The following CACNB2 variants were observed in gnomAD, a reference collection of about 807,000 sequenced individuals.
CACNB2 encodes calcium voltage-gated channel auxiliary subunit beta 2.
Under a neutral mutation model 73.3 loss-of-function variants are expected in CACNB2, and 42 were observed. That is an observed-to-expected ratio of 0.57 (90% CI 0.45 to 0.74). The LOEUF is 0.74. CACNB2 is among the 30% of genes least tolerant of loss of function. CACNB2 has a pLI of 0.00. For synonymous variants in CACNB2, 348 were observed against 310.3 expected (o/e 1.12, Z -1.28); for missense variants, 940 against 853.0 (o/e 1.10, Z -1.27).
intron 1 of CACNB2, among the ~76,000 whole-genome samples, chr10:18,149,004 C>CA (rs373972824): frequency 0.12 from 13,528 of 110,380 alleles, 749 homozygotes; most frequent in Middle Eastern, 0.16. Context: ...GACACTGTCT[C>CA]AAAAAAAAAA....
chr10:18,197,519 C>A (rs1258065405), intron 2 of CACNB2, among the ~76,000 whole-genome samples: 1 of 152,184 alleles, frequency 6.6e-6, no homozygotes, highest in Non-Finnish European at 1.5e-5. Flanking sequence ...CTCCTTCAGC[C>A]AACAGTGTGA....
chr10:18,283,908 C>T (rs2038673584), intron 2 of CACNB2, among the ~76,000 whole-genome samples: 1 of 151,982 alleles, frequency 6.6e-6, no homozygotes, highest in African/African-American at 2.4e-5. Context: ...CATTAATATG[C>T]AAAGAAGATT....
intron 2 of CACNB2, among the ~76,000 whole-genome samples, chr10:18,308,308 C>G (rs1029285777): frequency 6.6e-6 from 1 of 151,982 alleles, no homozygotes; most frequent in Non-Finnish European, 1.5e-5. Flanking sequence ...CCAACATTTT[C>G]TTTTTAAAAA....
intron 2 of CACNB2, among the ~76,000 whole-genome samples, chr10:18,364,591 C>T (rs996516040): frequency 2.6e-5 from 4 of 152,166 alleles, no homozygotes; most frequent in East Asian, 1.9e-4. Flanking sequence ...TGAGCCACTT[C>T]GCCCAGCCAA....
At chr10:18,392,166 A>G (rs2043506948) in intron 2 of CACNB2, among the ~76,000 whole-genome samples, 1 of 152,084 alleles carries the variant, frequency 6.6e-6, no homozygotes, top group Non-Finnish European at 1.5e-5. Flanking sequence ...GGGCCCAACA[A>G]GGTTAGAGCC....
chr10:18,410,400 T>C (rs2044551910), intron 3 of CACNB2, among the ~76,000 whole-genome samples: 1 of 152,214 alleles, frequency 6.6e-6, no homozygotes. Context: ...CATCTTGCCT[T>C]AGTTCATAAA....
At chr10:18,500,401 A>G (rs1023346822) in intron 4 of CACNB2, among the ~76,000 whole-genome samples, 3 of 152,190 alleles carry the variant, frequency 2.0e-5, no homozygotes, top group Admixed American at 2.0e-4. Context: ...TATTTAAGGT[A>G]CACTTCAATA....
intron 3 of CACNB2, among the ~76,000 whole-genome samples, chr10:18,423,807 A>C (rs1384427437): frequency 6.6e-6 from 1 of 152,218 alleles, no homozygotes; most frequent in African/African-American, 2.4e-5. Context: ...ACAGCTGAAG[A>C]ATAAAATGCA....
intron 2 of CACNB2, among the ~76,000 whole-genome samples, chr10:18,315,499 T>TAAAAAAAA (rs756721525): frequency 1.0e-4 from 4 of 39,518 alleles, no homozygotes; most frequent in African/African-American, 3.0e-4. Context: ...TGTCTCTATT[T>TAAAAAAAA]AAAAAAAAAA....
intron 6 of CACNB2, among the ~76,000 whole-genome samples, chr10:18,511,373 A>G (rs1005678142): frequency 1.3e-5 from 2 of 152,260 alleles, no homozygotes; most frequent in Admixed American, 6.5e-5. Context: ...AAGAGAGCCT[A>G]GTTTTCAAAA....
chr10:18,397,426 CTG>C (rs1006773044), intron 2 of CACNB2, among the ~76,000 whole-genome samples: 46 of 151,930 alleles, frequency 3.0e-4, no homozygotes, highest in Admixed American at 5.9e-4. Flanking sequence ...GATTGAGCCA[CTG>C]CACTCTAGCC....
intron 3 of CACNB2, among the ~76,000 whole-genome samples, chr10:18,417,472 G>A (rs1446261614): frequency 6.9e-6 from 1 of 144,992 alleles, no homozygotes; most frequent in Non-Finnish European, 1.5e-5. Context: ...GGGTTCAAGC[G>A]ATTCTCCTGC....
chr10:18,516,627 C>A (rs1296670758), intron 7 of CACNB2, among the ~76,000 whole-genome samples: 1 of 152,210 alleles, frequency 6.6e-6, no homozygotes, highest in East Asian at 1.9e-4. Context: ...AAGAAATATG[C>A]TTATGATGCC....
intron 3 of CACNB2, among the ~76,000 whole-genome samples, chr10:18,426,849 G>C (rs1459483494): frequency 6.6e-6 from 1 of 151,758 alleles, no homozygotes. Context: ...GTTTTCTATA[G>C]AGGTACTTTA....
At chr10:18,303,925 G>C (rs1166871111) in intron 2 of CACNB2, among the ~76,000 whole-genome samples, 2 of 152,116 alleles carry the variant, frequency 1.3e-5, no homozygotes, top group Non-Finnish European at 2.9e-5. Context: ...ATTTATTCAA[G>C]ATCTAGAAAA....
chr10:18,317,056 T>C (rs2040213891), intron 2 of CACNB2, among the ~76,000 whole-genome samples: 1 of 152,072 alleles, frequency 6.6e-6, no homozygotes, highest in African/African-American at 2.4e-5. Context: ...AACACATTCT[T>C]ACCTCCCATG....
intron 2 of CACNB2, among the ~76,000 whole-genome samples, chr10:18,296,165 G>C (rs764202421): frequency 6.6e-6 from 1 of 151,680 alleles, no homozygotes; most frequent in Non-Finnish European, 1.5e-5. Flanking sequence ...TAGATTACTG[G>C]TCTTTCCGAC....
intron 2 of CACNB2, chr10:18,257,433 G>T (rs1361324188): frequency 1.3e-5 from 2 of 152,236 alleles, no homozygotes; most frequent in African/African-American, 4.8e-5. Flanking sequence ...AGTAAAGACT[G>T]AATCTGGTGG....
chr10:18,300,141 C>T (rs1564416559), intron 2 of CACNB2, among the ~76,000 whole-genome samples: 1 of 152,118 alleles, frequency 6.6e-6, no homozygotes, highest in Non-Finnish European at 1.5e-5. Context: ...CCTGTCTCAA[C>T]CTCCCAAGTA....
Sources: allele counts gnomAD v4.1 joint callset (sites outside exome capture counted in the v4.1 genomes callset), GRCh38; gene constraint gnomAD v4.1.1; transcripts MANE v1.5; gene names NCBI Gene and HGNC (gene_info 2026-07-23, HGNC 2026-07-21).